ZNF292: variants seen among roughly 807,000 people sequenced by gnomAD.
The protein encoded by ZNF292 is zinc finger protein 292, also known as 16 zinc-finger domain protein.
Under a neutral mutation model 217.9 loss-of-function variants are expected in ZNF292, and 26 were observed. That is an observed-to-expected ratio of 0.12 (90% CI 0.09 to 0.17). The LOEUF (loss-of-function observed/expected upper bound fraction) is 0.17, where lower values mean the gene tolerates loss of function less well. ZNF292 is among the 10% of genes least tolerant of loss of function. The pLI is 1.00. For synonymous variants in ZNF292, 1,257 were observed against 1,124.1 expected (o/e 1.12, Z -2.37); for missense variants, 2,904 against 3,175.2 (o/e 0.91, Z 2.05).
chr6:87,205,634 C>T (rs1453530500), intron 1 of ZNF292, among the ~76,000 whole-genome samples: 1 of 151,848 alleles, frequency 6.6e-6, no homozygotes, highest in African/African-American at 2.4e-5. Context: ...CTTTATTGCT[C>T]TTGTAGTTAT....
At chr6:87,159,779 C>G (rs1202611574) in intron 1 of ZNF292, among the ~76,000 whole-genome samples, 1 of 152,184 alleles carries the variant, frequency 6.6e-6, no homozygotes, top group Non-Finnish European at 1.5e-5. Flanking sequence ...ACGCCCGGCC[C>G]TGTCTCAGCC....
chr6:87,233,593 T>A, intron 5 of ZNF292, 66 bp downstream of exon 5: 1 of 1,558,026 alleles, frequency 6.4e-7, no homozygotes, highest in Non-Finnish European at 8.7e-7. Flanking sequence ...AATTAGAATG[T>A]CTTTGATTTC....
At chr6:87,199,454 TA>T (rs1772047285) in intron 1 of ZNF292, among the ~76,000 whole-genome samples, 1 of 152,208 alleles carries the variant, frequency 6.6e-6, no homozygotes, top group African/African-American at 2.4e-5. Flanking sequence ...TTTCATTTTT[TA>T]ATGGGGTCTT....
Position 87,255,955 on chromosome 6 carries a change from G to C in ZNF292, c.2326G>C (p.Val776Leu), listed in dbSNP as rs1775187087. 1 of 1,612,306 alleles carries C rather than the reference G, an allele frequency of 6.2e-7. No individual in the cohort carries two copies. Among genetic ancestry groups the C allele is most frequent in the South Asian group, 1.1e-5 (1 of 90,922 alleles). ...TTTAACCCACCGAAAGGAGCATCAA[G>C]TCTTTAGAGCAAAATGTATGTTTCC... ...ELLTHRKEHQ[V>L]FRAKCMFPKC... The change falls in exon 8 of 8, where the codon GTC becomes CTC. Residue 776 changes from valine to leucine, a missense_variant. Around this residue, in one of 15 missense-constraint regions of ZNF292, gnomAD observed 216 missense variants for 308.3 expected, o/e 0.70. Coordinates refer to ENST00000369577, the MANE Select transcript of ZNF292 (RefSeq NM_015021.3).
In ZNF292 at chr6:87,259,764, A is replaced by C; in HGVS notation, c.6135A>C (p.Val2045=). The change falls in exon 8 of 8, where the codon GTA becomes GTC. Residue 2045 remains valine (V), a synonymous_variant. Transcript: ENST00000369577. ...NVAVIPEKQL[V]EKKSPDKTES... is the part of the protein sequence containing the mutation. ...CAGTGATCCCAGAAAAACAACTTGT[A>C]GAAAAAAAAAGTCCTGACAAAACAG... 6.2e-7 allele frequency: 1 copy of C among 1,602,042 alleles called. No individual in the cohort carries two copies. The highest frequency in any genetic ancestry group is 1.1e-5 in the South Asian group (1 of 89,292).
chr6:87,184,919 T>C (rs1409643643), intron 1 of ZNF292, among the ~76,000 whole-genome samples: 1 of 152,148 alleles, frequency 6.6e-6, no homozygotes, highest in Non-Finnish European at 1.5e-5. Flanking sequence ...GACCAATCCA[T>C]TTTCTGTATT....
intron 6 of ZNF292, 22 bp downstream of exon 6, chr6:87,243,633 TA>T: frequency 3.5e-6 from 5 of 1,439,218 alleles, no homozygotes; most frequent in South Asian, 3.0e-5. Flanking sequence ...TTTTTTTTTT[TA>T]AAGAAATATT....
intron 4 of ZNF292, chr6:87,223,049 G>C (rs1353716782): frequency 5.2e-6 from 1 of 190,974 alleles, no homozygotes. Context: ...ACTTATCACT[G>C]TTTTGAGGTT....
At position 87,260,576 on chromosome 6, in the gene ZNF292, G is replaced by C; in HGVS notation, c.6947G>C (p.Arg2316Pro). ...ANQEKSKSKH[R>P]GTKHSRCGKE... ...CAAGAAAAATCAAAGTCTAAACATC[G>C]GGGGACCAAGCACAGCAGATGTGGA... The change falls in exon 8 of 8, where the codon CGG becomes CCG. Residue 2316 changes from arginine to proline, a missense_variant. Arg to Pro is a moderately radical substitution (Grantham distance 103, BLOSUM62 -2). Around this residue, in one of 15 missense-constraint regions of ZNF292, gnomAD observed 101 missense variants for 89.5 expected, o/e 1.13. Coordinates refer to ENST00000369577, the MANE Select transcript of ZNF292 (RefSeq NM_015021.3). 6.2e-7 allele frequency: 1 copy of C among 1,612,918 alleles called. No individual in the cohort carries two copies.
chr6:87,244,977 A>G (rs929377053), intron 6 of ZNF292, among the ~76,000 whole-genome samples: 2 of 152,226 alleles, frequency 1.3e-5, no homozygotes, highest in African/African-American at 4.8e-5. Flanking sequence ...ACAGTGGCTC[A>G]TGCCTGTAAT....
chr6:87,217,495 A>G (rs1772847700), intron 3 of ZNF292, among the ~76,000 whole-genome samples: 2 of 151,914 alleles, frequency 1.3e-5, no homozygotes, highest in South Asian at 4.1e-4. Context: ...AAGTATTTTT[A>G]GGTAAATTAT....
At chr6:87,203,600 G>C (rs190765961) in intron 1 of ZNF292, among the ~76,000 whole-genome samples, 3 of 152,072 alleles carry the variant, frequency 2.0e-5, no homozygotes, top group East Asian at 3.9e-4. Flanking sequence ...ATCTGCAAGG[G>C]GGGGTGGGGT....
intron 4 of ZNF292, chr6:87,222,845 G>T (rs1369329406): frequency 2.2e-6 from 1 of 452,486 alleles, no homozygotes; most frequent in Non-Finnish European, 4.4e-6. Context: ...CAGTTTTTCA[G>T]ACTTTCCTTG....
rs773447945 is a variant in ZNF292 at position 87,155,570 on chromosome 6, C to T, written c.-22C>T. ...TGTTATCACGTGACCCAGGTGCGTACGCGACGGAGCGGGGTGTGAAGATGG... is the reference window on the plus strand; with the variant it reads ...TGTTATCACGTGACCCAGGTGCGTATGCGACGGAGCGGGGTGTGAAGATGG... On this transcript the variant is annotated 5_prime_UTR_variant, in exon 1 of 8. In the 5' UTR this introduces an upstream ATG that the reference lacks. Transcript: ENST00000369577. 4.5e-6 allele frequency: 7 copies of T among 1,566,858 alleles called. No homozygotes were observed. The Admixed American group carries it at 1.1e-4, about 26-fold the overall frequency.
chr6:87,225,906 T>C (rs1562154128), intron 4 of ZNF292, among the ~76,000 whole-genome samples: 1 of 152,216 alleles, frequency 6.6e-6, no homozygotes, highest in Non-Finnish European at 1.5e-5. Flanking sequence ...CTCAGTTTTA[T>C]TGTTCTCAGC....
At chr6:87,243,028 C>T (rs1162182478) in intron 5 of ZNF292, among the ~76,000 whole-genome samples, 1 of 151,908 alleles carries the variant, frequency 6.6e-6, no homozygotes, top group Non-Finnish European at 1.5e-5. Context: ...GTTTATTAGT[C>T]TATACCCAGT....
intron 1 of ZNF292, among the ~76,000 whole-genome samples, chr6:87,202,943 A>G (rs947275326): frequency 2.0e-5 from 3 of 152,000 alleles, no homozygotes; most frequent in African/African-American, 7.3e-5. Context: ...AGGTATATGT[A>G]TATATAGGGA....
chr6:87,195,228 AAGG>A (rs1404043752), intron 1 of ZNF292, among the ~76,000 whole-genome samples: 3 of 152,240 alleles, frequency 2.0e-5, no homozygotes, highest in African/African-American at 7.2e-5. Context: ...AAGATAGTAA[AAGG>A]AGGATTTGCC....
chr6:87,229,215 T>A (rs1773523608), intron 4 of ZNF292, among the ~76,000 whole-genome samples: 1 of 152,216 alleles, frequency 6.6e-6, no homozygotes, highest in East Asian at 1.9e-4. Flanking sequence ...TTTGAACTGT[T>A]CATTGTTAGT....
Sources: allele counts gnomAD v4.1 joint callset (sites outside exome capture counted in the v4.1 genomes callset), GRCh38; gene constraint gnomAD v4.1.1; regional missense constraint gnomAD v4.1.1; transcripts MANE v1.5; gene names NCBI Gene and HGNC (gene_info 2026-07-23, HGNC 2026-07-21).